Variants in TAC3 observed in about 807,000 individuals in gnomAD.
TAC3 encodes the protein tachykinin-3.
TAC3 carries 9 observed loss-of-function variants against 16.5 expected under a neutral mutation model. The observed-to-expected ratio is 0.55, with a 90% CI of 0.33 to 0.95. The LOEUF (loss-of-function observed/expected upper bound fraction) is 0.95. Among genes scored for constraint, TAC3 ranks in the 40% least tolerant of loss-of-function variants. The probability of loss-of-function intolerance (pLI) is 0.03; values close to 1 mark genes in which losing one functional copy is unlikely to be tolerated. For missense variants in TAC3, 129 were observed against 149.1 expected, an observed-to-expected ratio of 0.87 and a Z score of 0.70; for synonymous variants, 52 against 56.7, an observed-to-expected ratio of 0.92 and a Z score of 0.37.
At position 57,016,328 on chromosome 12, in the gene TAC3, G is replaced by A. The variant is rs994390242; in HGVS notation, c.-6+59C>T. The A allele has an allele frequency of 5.1e-5, 20 of 390,678 alleles. No individual in the cohort carries two copies. In the Middle Eastern group the frequency reaches 4.3e-3, roughly 84 times the overall value. 24.2% of individuals were successfully genotyped at this position (390,678 alleles called of 1,614,324 possible). The stretch of plus-strand genomic sequence containing the variant: ...GCCATCTGCTTTATTCCCTCCTGAC[G>A]CTGGCTCCTGTCCCCTGGTGCCAGC... On this transcript the variant is annotated intron_variant, in intron 1 of 6. Transcript: ENST00000458521.
rs1186749555 is a variant in TAC3, at chr12:57,016,429, A to G, written c.-48T>C. On this transcript the variant is annotated 5_prime_UTR_variant, in exon 1 of 7. Coordinates refer to ENST00000458521, the MANE Select transcript of TAC3 (RefSeq NM_013251.4). ...GCCGGGGGCTGGGTGGTCTGGCAGG[A>G]TCAAGGAACTGGCTAGGACCGCTGC... 1 of 454,026 alleles carries G rather than the reference A, an allele frequency of 2.2e-6. No individual in the cohort carries two copies. The highest frequency in any genetic ancestry group is 2.0e-5 in the African/African-American group (1 of 49,954). 28.1% of individuals were successfully genotyped at this position (454,026 alleles called of 1,614,324 possible). A position where few individuals can be genotyped will look rare whatever the true frequency, so the allele number is the denominator to read the frequency against.
At chr12:57,011,265 G>A (rs73114426) in intron 6 of TAC3, among the ~76,000 whole-genome samples, 13,678 of 152,164 alleles carry the variant, frequency 0.09, 657 homozygotes, top group East Asian at 0.18. Flanking sequence ...GGTCTTGGGC[G>A]TGCCACCTTG....
chr12:57,013,247 C>T (rs1014079683), intron 4 of TAC3, 112 bp downstream of exon 4: 3 of 1,334,142 alleles, frequency 2.2e-6, no homozygotes, highest in South Asian at 1.2e-5. Context: ...TGGGAGCTGG[C>T]ATATTGTTTG....
intron 2 of TAC3, among the ~76,000 whole-genome samples, chr12:57,014,193 T>A (rs540763788): frequency 5.7e-4 from 87 of 152,106 alleles, no homozygotes; most frequent in African/African-American, 2.1e-3. Context: ...GTTCTAGAGC[T>A]GTTGCCCAGC....
chr12:57,012,907 A>C, intron 4 of TAC3, 32 bp from the exon 5 acceptor site: 1 of 1,613,992 alleles, frequency 6.2e-7, no homozygotes, highest in Non-Finnish European at 8.5e-7. Context: ...GTCAGCAGTG[A>C]TGATGAGAAA....
intron 5 of TAC3, 81 bp from the exon 6 acceptor site, chr12:57,012,533 T>C: frequency 6.2e-7 from 1 of 1,604,056 alleles, no homozygotes; most frequent in Non-Finnish European, 8.5e-7. Context: ...AAGGGCTGGC[T>C]ATGACGGGCA....
intron 1 of TAC3, among the ~76,000 whole-genome samples, 155 bp downstream of exon 1, chr12:57,016,232 A>G (rs1956372364): frequency 6.6e-6 from 1 of 152,062 alleles, no homozygotes. Context: ...GGCTCCAAAC[A>G]CCAACCAGCT....
In TAC3 at chr12:57,016,433, A is replaced by G. The variant is rs529803974; in HGVS notation, c.-52T>C. 12 of 454,256 alleles carry G rather than the reference A, an allele frequency of 2.6e-5. No individual in the cohort carries two copies. Among genetic ancestry groups the G allele is most frequent in the African/African-American group, 2.4e-4 (12 of 50,096 alleles). 28.1% of individuals were successfully genotyped at this position (454,256 alleles called of 1,614,324 possible). A position where few individuals can be genotyped will look rare whatever the true frequency, so the allele number is the denominator to read the frequency against. On this transcript the variant is annotated 5_prime_UTR_variant, in exon 1 of 7. Transcript: ENST00000458521. ...GGGGCTGGGTGGTCTGGCAGGATCA[A>G]GGAACTGGCTAGGACCGCTGCCTGC...
Position 57,012,877 on chromosome 12 carries a change from T to C in TAC3, c.239-2A>G. 1 of 1,614,172 alleles carries C rather than the reference T, an allele frequency of 6.2e-7. No homozygotes were observed. Among genetic ancestry groups the C allele is most frequent in the Non-Finnish European group, 8.5e-7 (1 of 1,180,000 alleles). ...CCACAAAGAAGTCATGCATGTCACC[T>C]GCAGAAAAGGGCCAACATTGTCAGC... is the stretch of plus-strand genomic sequence containing the variant. On this transcript the variant is annotated splice_acceptor_variant, in intron 4 of 6. Transcript: ENST00000458521. LOFTEE classifies it high-confidence loss of function.
intron 2 of TAC3, 40 bp downstream of exon 2, chr12:57,015,644 T>C (rs1355627515): frequency 1.9e-6 from 3 of 1,574,262 alleles, no homozygotes; most frequent in East Asian, 4.5e-5. Flanking sequence ...GAGTCCCAAG[T>C]TCCCGTGATG....
intron 3 of TAC3, 85 bp downstream of exon 3, chr12:57,013,493 T>G: frequency 6.3e-7 from 1 of 1,590,690 alleles, no homozygotes; most frequent in Non-Finnish European, 8.6e-7. Flanking sequence ...ATCCCCCATC[T>G]CTCTCCCATC....
intron 2 of TAC3, among the ~76,000 whole-genome samples, chr12:57,014,099 C>G (rs969780792): frequency 3.3e-5 from 5 of 152,224 alleles, no homozygotes; most frequent in Non-Finnish European, 4.4e-5. Flanking sequence ...TTCTCTCCCT[C>G]TCCCTTTTGG....
In TAC3 at chr12:57,010,207, G is replaced by T; in HGVS notation, c.*83C>A. 2.2e-6 allele frequency: 1 copy of T among 454,108 alleles called. No individual in the cohort carries two copies. Among genetic ancestry groups the T allele is most frequent in the Non-Finnish European group, 4.4e-6 (1 of 226,790 alleles). 28.1% of individuals were successfully genotyped at this position (454,108 alleles called of 1,614,324 possible). On this transcript the variant is annotated 3_prime_UTR_variant, in exon 7 of 7. Coordinates refer to ENST00000458521, the MANE Select transcript of TAC3 (RefSeq NM_013251.4). ...TGTTACAAGAACAGGGAAGAGAAAGGGTAACAGGAGCGTGCGCACCTGGGG... is the reference window on the plus strand; with the variant it reads ...TGTTACAAGAACAGGGAAGAGAAAGTGTAACAGGAGCGTGCGCACCTGGGG...
chr12:57,015,870 CA>C, intron 1 of TAC3, 68 bp from the exon 2 acceptor site: 1 of 1,360,478 alleles, frequency 7.4e-7, no homozygotes, highest in Non-Finnish European at 1.0e-6. Context: ...GGTGAAGACA[CA>C]AGAGACATTC....
chr12:57,013,529 C>A (rs752024535), intron 3 of TAC3, 49 bp downstream of exon 3: 1 of 1,599,208 alleles, frequency 6.3e-7, no homozygotes, highest in South Asian at 1.1e-5. Flanking sequence ...GGCCTCTTAT[C>A]TTCAGAATCC....
chr12:57,015,688 C>T lies in TAC3; in HGVS notation c.110G>A (p.Ser37Asn). 6.2e-7 allele frequency: 1 copy of T among 1,613,634 alleles called. No individual in the cohort carries two copies. The highest frequency in any genetic ancestry group is 1.3e-5 in the African/African-American group (1 of 75,054). Residue 37 changes from serine (S) to asparagine (N), a missense_variant, in exon 2 of 7, where the codon AGC (serine) becomes AAC (asparagine). Physicochemically the swap from Ser to Asn is conservative, Grantham distance 46 (BLOSUM62 1). Coordinates refer to ENST00000458521, the MANE Select transcript of TAC3 (RefSeq NM_013251.4). ...ACTCTGCCAGGGGAGACTTACCTTG[C>T]TGCGGCCCCCGCCAGGAACCACCTC... Reference protein sequence around the residue: ...QEEVVPGGGRSKRDPDLYQLL... With the variant: ...QEEVVPGGGRNKRDPDLYQLL...
At position 57,012,419 on chromosome 12, in the gene TAC3, G is replaced by T. The variant is rs1475977903; in HGVS notation, c.326C>A (p.Pro109His). The change falls in exon 6 of 7, where the codon CCC (proline) becomes CAC (histidine). Residue 109 changes from proline to histidine, a missense_variant. Transcript: ENST00000458521. ...GGGATACTTGAGGATGCCAAAGCTG[G>T]GGACGTTCTCTTGATTCACATCCGT... ...SPTDVNQENV[P>H]SFGILKYPPR... 1.2e-6 allele frequency: 2 copies of T among 1,613,874 alleles called. No homozygotes were observed. Among genetic ancestry groups the T allele is most frequent in the African/African-American group, 1.3e-5 (1 of 74,850 alleles).
intron 6 of TAC3, 103 bp downstream of exon 6, chr12:57,012,275 T>C (rs1455241747): frequency 1.8e-6 from 2 of 1,132,208 alleles, no homozygotes; most frequent in African/African-American, 3.1e-5. Context: ...TCAGGGCAAA[T>C]CTATGAGCTT....
In TAC3 at chr12:57,011,798, A is replaced by G. The variant is rs1366481136; in HGVS notation, c.*1+580T>C. ...ATACAGATAGAGTGGCAGATCCAGGATTCACATTCAGGCCATTGTTCTTAT... is the reference window on the plus strand; with the variant it reads ...ATACAGATAGAGTGGCAGATCCAGGGTTCACATTCAGGCCATTGTTCTTAT... On this transcript the variant is annotated intron_variant, in intron 6 of 6. Coordinates refer to ENST00000458521, the MANE Select transcript of TAC3 (RefSeq NM_013251.4). 2.0e-5 allele frequency among the ~76,000 whole-genome samples: 3 copies of G among 152,210 alleles called. No homozygotes were observed. In the East Asian group the frequency reaches 5.8e-4, roughly 29 times the overall value.
Sources: gnomAD v4.1 joint callset for allele counts (sites outside exome capture counted in the v4.1 genomes callset) on GRCh38, gnomAD v4.1.1 for gene constraint, MANE v1.5 for transcripts, NCBI Gene and HGNC (gene_info 2026-07-23, HGNC 2026-07-21) for gene names.